ESPNL: variants seen among roughly 807,000 people sequenced by gnomAD.
ESPNL encodes espin-like protein.
Under a neutral mutation model 46.8 loss-of-function variants are expected in ESPNL, and 49 were observed. The observed-to-expected ratio is 1.05, with a 90% CI of 0.83 to 1.33. ESPNL has a LOEUF of 1.33. Among genes scored for constraint, ESPNL ranks in the 40% most tolerant of loss-of-function variants. The pLI is 0.00. For missense variants in ESPNL, 1,540 were observed against 1,436.6 expected (o/e 1.07, Z -1.16); for synonymous variants, 664 against 662.1 (o/e 1.00, Z -0.04).
rs374951847 is a variant in ESPNL at position 238,122,241 on chromosome 2, T to C, written c.988-3029T>C. The stretch of plus-strand genomic sequence containing the variant: ...CTGAGGCTCCATCGTGTCCAGGGCC[T>C]TCCTATGGGAGCCAGGGGTGTGGTT... On this transcript the variant is annotated intron_variant, in intron 5 of 8. Coordinates refer to ENST00000343063, the MANE Select transcript of ESPNL (RefSeq NM_194312.4). 1.6e-4 allele frequency among the ~76,000 whole-genome samples: 25 copies of C among 152,346 alleles called. 1 individual carries two copies. The South Asian group carries it at 5.2e-3, about 32-fold the overall frequency.
Position 238,116,958 on chromosome 2 carries a change from G to C in ESPNL, c.911G>C (p.Gly304Ala), listed in dbSNP as rs761746600. 2 of 1,612,608 alleles carry C rather than the reference G, an allele frequency of 1.2e-6. No individual in the cohort carries two copies. Among genetic ancestry groups the C allele is most frequent in the Non-Finnish European group, 1.7e-6 (2 of 1,179,796 alleles). ...HVDPSLRDEDGYTAADLAEYH... is the reference protein window; with the variant it reads ...HVDPSLRDEDAYTAADLAEYH... ...GACCCCTCCCTGCGGGATGAAGATGGTTACACGGCGGCAGACCTGGCGGAG... is the reference window on the plus strand; with the variant it reads ...GACCCCTCCCTGCGGGATGAAGATGCTTACACGGCGGCAGACCTGGCGGAG... Residue 304 changes from glycine (G) to alanine (A), a missense_variant, in exon 5 of 9, where the codon GGT (glycine) becomes GCT (alanine). Coordinates refer to ENST00000343063, the MANE Select transcript of ESPNL (RefSeq NM_194312.4).
At chr2:238,111,493 A>G (rs558657944) in intron 4 of ESPNL, among the ~76,000 whole-genome samples, 2 of 152,122 alleles carry the variant, frequency 1.3e-5, no homozygotes, top group Non-Finnish European at 2.9e-5. Flanking sequence ...TCTGTTTTTT[A>G]TGAACTTGAT....
chr2:238,107,872 A>C lies in ESPNL; in HGVS notation c.754A>C (p.Thr252Pro). 2 of 1,611,928 alleles carry C rather than the reference A, an allele frequency of 1.2e-6. No homozygotes were observed. The highest frequency in any genetic ancestry group is 8.5e-7 in the Non-Finnish European group (1 of 1,179,524). ...GCACTTTGCAGCCCGAGGCGGCCAC[A>C]CGCCCATTCTAGACCGACTCCTGCT... ...ALHFAARGGHTPILDRLLLMG... is the reference protein window; with the variant it reads ...ALHFAARGGHPPILDRLLLMG... The change falls in exon 4 of 9, where the codon ACG becomes CCG. Residue 252 changes from threonine (T) to proline (P), a missense_variant. Transcript: ENST00000343063.
At chr2:238,120,984 G>A (rs1691975395) in intron 5 of ESPNL, among the ~76,000 whole-genome samples, 1 of 152,248 alleles carries the variant, frequency 6.6e-6, no homozygotes, top group Non-Finnish European at 1.5e-5. Context: ...AGCTTGGGGA[G>A]CAATGCTGGA....
chr2:238,130,485 T>C lies in ESPNL; in HGVS notation c.1771T>C (p.Phe591Leu). 6.3e-7 allele frequency: 1 copy of C among 1,598,762 alleles called. No individual in the cohort carries two copies. The highest frequency in any genetic ancestry group is 8.5e-7 in the Non-Finnish European group (1 of 1,172,754). The change falls in exon 9 of 9, where the codon TTC becomes CTC. Residue 591 changes from phenylalanine (F) to leucine (L), a missense_variant. Coordinates refer to ENST00000343063, the MANE Select transcript of ESPNL (RefSeq NM_194312.4). ...GGCCCCCGGGGTGCAGCCCCTGCCC[T>C]TCTGGTGCAGCCACATCTCCCGCCT... Reference protein sequence around the residue: ...EVAPGVQPLPFWCSHISRLVR... With the variant: ...EVAPGVQPLPLWCSHISRLVR...
At chr2:238,115,123 C>T (rs924414947) in intron 4 of ESPNL, among the ~76,000 whole-genome samples, 7 of 152,160 alleles carry the variant, frequency 4.6e-5, no homozygotes, top group Non-Finnish European at 1.0e-4. Flanking sequence ...GATCTTGCGG[C>T]GGTTCTGGCA....
intron 3 of ESPNL, among the ~76,000 whole-genome samples, chr2:238,105,865 G>A (rs1032386690): frequency 5.3e-5 from 8 of 152,010 alleles, no homozygotes; most frequent in Admixed American, 5.2e-4. Flanking sequence ...TGCTTGCCTG[G>A]GGCCTCCTGT....
intron 5 of ESPNL, among the ~76,000 whole-genome samples, chr2:238,118,611 G>A (rs1240849212): frequency 9.1e-6 from 1 of 109,488 alleles, no homozygotes; most frequent in African/African-American, 3.1e-5. Context: ...GAAGAGGGTG[G>A]ATGGAGGAGG....
rs748164715 is a variant in ESPNL at position 238,131,408 on chromosome 2, C to T, written c.2694C>T (p.Arg898=). The T allele has an allele frequency of 3.4e-5, 54 of 1,607,694 alleles. No homozygotes were observed. Among genetic ancestry groups the T allele is most frequent in the Middle Eastern group, 1.6e-4 (1 of 6,072 alleles). Residue 898 remains arginine (R), a synonymous_variant, in exon 9 of 9, where the codon CGC becomes CGT. Coordinates refer to ENST00000343063, the MANE Select transcript of ESPNL (RefSeq NM_194312.4). Reference sequence around the variant, plus strand: ...GCACCCACGGCTGGGAGGCTGTGCGCGCCTTCCACAAGGCCGTGACCGACG... The same window carrying T: ...GCACCCACGGCTGGGAGGCTGTGCGTGCCTTCCACAAGGCCGTGACCGACG... ...HLGTHGWEAV[R]AFHKAVTDEV...
At chr2:238,123,935 G>A (rs144784665) in intron 5 of ESPNL, among the ~76,000 whole-genome samples, 23 of 152,282 alleles carry the variant, frequency 1.5e-4, no homozygotes, top group African/African-American at 5.5e-4. Flanking sequence ...ATCCTTGCTG[G>A]GAGGCAGCCT....
At position 238,127,137 on chromosome 2, in the gene ESPNL, TTGTGTC is replaced by T. The variant is rs560351197; in HGVS notation, c.1103-479_1103-474del. On this transcript the variant is annotated intron_variant, in intron 6 of 8. Transcript: ENST00000343063. ...TGTGATTGTGTCTGTGTCTGTGTGA[TTGTGTC>T]TGTGTTGTGTGTATGTGATTGTGTC... Among the ~76,000 whole-genome samples, 15 of 116,096 alleles carry T rather than the reference TTGTGTC, an allele frequency of 1.3e-4. No homozygotes were observed. In the South Asian group the frequency reaches 4.3e-3, roughly 33 times the overall value. The allele number at this position is 116,096 out of a possible 152,430, so 76.2% of individuals were successfully genotyped here. A position where few individuals can be genotyped will look rare whatever the true frequency, so the allele number is the denominator to read the frequency against.
intron 5 of ESPNL, among the ~76,000 whole-genome samples, chr2:238,121,245 C>T (rs894609675): frequency 6.6e-6 from 1 of 152,192 alleles, no homozygotes; most frequent in South Asian, 2.1e-4. Context: ...GCTCTGAGTG[C>T]CCTGTCTGGG....
Position 238,128,778 on chromosome 2 carries a change from AG to A in ESPNL, c.1289del (p.Gly430AlafsTer24). On this transcript the variant is annotated frameshift_variant, in exon 8 of 9. Coordinates refer to ENST00000343063, the MANE Select transcript of ESPNL (RefSeq NM_194312.4). LOFTEE classifies it high-confidence loss of function. Reference protein sequence around the residue: ...AALQLDGLPSGDIDGLVPTRD... With the variant: ...AALQLDGLPSXDIDGLVPTRD... The stretch of plus-strand genomic sequence containing the variant: ...CACTACAGCTGGATGGGCTGCCCTC[AG>A]GCGACATCGACGGGCTGGTGCCCAC... 6.3e-7 allele frequency: 1 copy of A among 1,584,726 alleles called. No individual in the cohort carries two copies. The highest frequency in any genetic ancestry group is 8.6e-7 in the Non-Finnish European group (1 of 1,166,448).
chr2:238,130,542 G>A lies in ESPNL; in HGVS notation c.1828G>A (p.Val610Met), dbSNP rs73102303. 0.11 allele frequency: 182,095 copies of A among 1,590,340 alleles called. 11,400 individuals carry two copies. The highest frequency in any genetic ancestry group is 0.21 in the African/African-American group (15,347 of 74,772). The change falls in exon 9 of 9, where the codon GTG becomes ATG. Residue 610 changes from valine to methionine, a missense_variant. Transcript: ENST00000343063. ...VRSLSLLLKGVHGLVQGDEKP... is the reference protein window; with the variant it reads ...VRSLSLLLKGMHGLVQGDEKP... ...CAGCCTGTCCCTGCTGCTGAAGGGC[G>A]TGCATGGGCTAGTACAGGGGGATGA...
At chr2:238,116,748 T>C (rs899100729) in intron 4 of ESPNL, among the ~76,000 whole-genome samples, 155 bp from the exon 5 acceptor site, 9 of 152,022 alleles carry the variant, frequency 5.9e-5, no homozygotes, top group Non-Finnish European at 1.2e-4. Context: ...GGCAGGTCTC[T>C]GGCACCCCAC....
intron 6 of ESPNL, 184 bp from the exon 7 acceptor site, chr2:238,127,438 T>A: frequency 1.9e-4 from 242 of 1,279,518 alleles, no homozygotes; most frequent in East Asian, 6.2e-4. Context: ...CGGGCCCCAC[T>A]GACTCCCCAG....
chr2:238,106,956 A>C (rs920863177), intron 3 of ESPNL, among the ~76,000 whole-genome samples: 1 of 152,192 alleles, frequency 6.6e-6, no homozygotes, highest in Non-Finnish European at 1.5e-5. Flanking sequence ...CTGCGCTAGG[A>C]GGCACTCACA....
intron 4 of ESPNL, among the ~76,000 whole-genome samples, chr2:238,111,453 T>A (rs1691717359): frequency 6.6e-6 from 1 of 152,160 alleles, no homozygotes; most frequent in African/African-American, 2.4e-5. Context: ...CTCCCTTATC[T>A]CCCAGCCCCT....
chr2:238,129,199 C>G (rs1049278780), intron 8 of ESPNL: 3 of 1,324,746 alleles, frequency 2.3e-6, no homozygotes, highest in Non-Finnish European at 2.9e-6. Flanking sequence ...CTGGGCGCAG[C>G]GTCTAGCAGG....
Sources: allele counts gnomAD v4.1 joint callset (sites outside exome capture counted in the v4.1 genomes callset), GRCh38; gene constraint gnomAD v4.1.1; transcripts MANE v1.5; gene names NCBI Gene and HGNC (gene_info 2026-07-23, HGNC 2026-07-21).